Variants in WDR59 observed in about 807,000 individuals in gnomAD.
The protein encoded by WDR59 is GATOR2 complex protein WDR59.
WDR59 carries 100 observed loss-of-function variants against 131.2 expected under a neutral mutation model. The ratio of observed to expected loss-of-function variants is 0.76; its 90% confidence interval spans 0.65 to 0.90. WDR59 has a LOEUF of 0.90. Among genes scored for constraint, WDR59 ranks in the 40% least tolerant of loss-of-function variants. The pLI, the probability that WDR59 is intolerant of heterozygous loss-of-function variation, is 0.00. For synonymous variants in WDR59, 601 were observed against 466.2 expected (o/e 1.29, Z -3.72); for missense variants, 1,203 against 1,262.2 (o/e 0.95, Z 0.71).
At chr16:74,901,607 C>T (rs989650796) in intron 18 of WDR59, among the ~76,000 whole-genome samples, 23 of 150,984 alleles carry the variant, frequency 1.5e-4, no homozygotes, top group African/African-American at 4.6e-4. Flanking sequence ...CACACCACTG[C>T]ACTCTAGCCT....
At position 74,928,895 on chromosome 16, in the gene WDR59, C is replaced by T. The variant is rs148971856; in HGVS notation, c.652-4892G>A. 1.4e-3 allele frequency among the ~76,000 whole-genome samples: 212 copies of T among 151,886 alleles called. No homozygotes were observed. In the Middle Eastern group the frequency reaches 0.017, roughly 12 times the overall value. On this transcript the variant is annotated intron_variant, in intron 8 of 25. Transcript: ENST00000262144. ...CTGCACTCCAGCCTGGATGATAGGG[C>T]GAGACTCTGTCTCAAAAAAAATAAA...
chr16:74,983,968 A>G (rs2034525168), intron 1 of WDR59, among the ~76,000 whole-genome samples: 1 of 152,024 alleles, frequency 6.6e-6, no homozygotes, highest in South Asian at 2.1e-4. Flanking sequence ...TGACAGAGCC[A>G]GACCCTGTCT....
chr16:74,953,974 C>G (rs1370663550), intron 3 of WDR59, among the ~76,000 whole-genome samples: 2 of 150,164 alleles, frequency 1.3e-5, no homozygotes, highest in Admixed American at 6.7e-5. Flanking sequence ...TGCACTCCAG[C>G]CTGGGTGACA....
At chr16:74,952,330 T>C (rs1478614997) in intron 3 of WDR59, among the ~76,000 whole-genome samples, 3 of 150,504 alleles carry the variant, frequency 2.0e-5, no homozygotes, top group African/African-American at 2.4e-5. Flanking sequence ...TGGTCTCAGC[T>C]ACTTGACAGG....
intron 18 of WDR59, among the ~76,000 whole-genome samples, chr16:74,901,071 C>G (rs1186141766): frequency 2.0e-5 from 3 of 152,206 alleles, no homozygotes; most frequent in Non-Finnish European, 4.4e-5. Flanking sequence ...GCACTCCAGC[C>G]TGGGCAACAA....
At chr16:74,981,913 C>A (rs1332672427) in intron 1 of WDR59, among the ~76,000 whole-genome samples, 4 of 134,040 alleles carry the variant, frequency 3.0e-5, no homozygotes, top group Non-Finnish European at 6.4e-5. Flanking sequence ...ACCTCGGCCT[C>A]CCAAAGTGGT....
chr16:74,931,804 G>C (rs1313571428), intron 8 of WDR59, among the ~76,000 whole-genome samples: 1 of 151,936 alleles, frequency 6.6e-6, no homozygotes, highest in African/African-American at 2.4e-5. Context: ...AGCCCAGGAG[G>C]CCAAGCCTGA....
At chr16:74,879,380 C>A (rs1295731906) in intron 25 of WDR59, among the ~76,000 whole-genome samples, 3 of 152,102 alleles carry the variant, frequency 2.0e-5, no homozygotes. Context: ...ACAAGCCAAA[C>A]AAATAAGCTG....
intron 8 of WDR59, among the ~76,000 whole-genome samples, chr16:74,936,401 C>G (rs1320775940): frequency 1.3e-5 from 2 of 152,078 alleles, no homozygotes; most frequent in Admixed American, 6.6e-5. Context: ...TAGGAAACCC[C>G]AGACTCACAG....
chr16:74,943,048 ATC>A (rs1200183558), intron 6 of WDR59, among the ~76,000 whole-genome samples: 24 of 152,176 alleles, frequency 1.6e-4, no homozygotes, highest in Admixed American at 1.6e-3. Context: ...TGAGGAAATA[ATC>A]TCAGGGGAAA....
chr16:74,960,283 A>G (rs1392286401), intron 2 of WDR59, among the ~76,000 whole-genome samples: 1 of 152,032 alleles, frequency 6.6e-6, no homozygotes, highest in East Asian at 1.9e-4. Context: ...GTGAGCCGAC[A>G]TCGCGCCACT....
chr16:74,934,316 T>A (rs1022574543), intron 8 of WDR59, among the ~76,000 whole-genome samples: 1 of 152,074 alleles, frequency 6.6e-6, no homozygotes, highest in East Asian at 1.9e-4. Context: ...CCTTTTTTTT[T>A]AAGAAAAAAA....
At position 74,938,682 on chromosome 16, in the gene WDR59, G is replaced by A. The variant is rs1420021536; in HGVS notation, c.535-416C>T. Among the ~76,000 whole-genome samples, 8 of 152,138 alleles carry A rather than the reference G, an allele frequency of 5.3e-5. No individual in the cohort carries two copies. The East Asian group carries it at 1.5e-3, about 29-fold the overall frequency. ...CCTCCAAGTAGCTGGGACTACAGGT[G>A]CACACCACTAAGCCTGGCTAATTTT... is the stretch of plus-strand genomic sequence containing the variant. On this transcript the variant is annotated intron_variant, in intron 7 of 25. Transcript: ENST00000262144.
chr16:74,883,623 A>G (rs1362963655), intron 25 of WDR59, among the ~76,000 whole-genome samples: 1 of 152,200 alleles, frequency 6.6e-6, no homozygotes, highest in Non-Finnish European at 1.5e-5. Context: ...TTCATTCTGT[A>G]AAACACCTCT....
intron 10 of WDR59, among the ~76,000 whole-genome samples, chr16:74,919,505 T>A (rs2029955735): frequency 6.6e-6 from 1 of 150,940 alleles, no homozygotes; most frequent in African/African-American, 2.4e-5. Flanking sequence ...GCTAATTTTT[T>A]TTTTTTTAAT....
intron 13 of WDR59, among the ~76,000 whole-genome samples, chr16:74,913,583 G>A (rs532216970): frequency 1.3e-4 from 20 of 152,218 alleles, no homozygotes; most frequent in Admixed American, 5.9e-4. Context: ...GAGCCACCAC[G>A]AAGTTCAAAG....
intron 1 of WDR59, among the ~76,000 whole-genome samples, chr16:74,981,242 G>C (rs1447032388): frequency 3.3e-5 from 5 of 151,660 alleles, no homozygotes; most frequent in South Asian, 2.1e-4. Context: ...CAGGCGTGGT[G>C]GTGGGCGCCT....
In WDR59 at chr16:74,956,592, G is replaced by A. The variant is rs772038321; in HGVS notation, c.123C>T (p.Ile41=). The A allele has an allele frequency of 1.1e-5, 17 of 1,613,970 alleles. No individual in the cohort carries two copies. Among genetic ancestry groups the A allele is most frequent in the South Asian group, 2.2e-5 (2 of 91,054 alleles). The change falls in exon 3 of 26, where the codon ATC becomes ATT. Residue 41 remains isoleucine, a synonymous_variant. Transcript: ENST00000262144. ...CTTCGAAAGGGGCATCTAGATTGAC[G>A]ATGTATAAGAATCTGCGGCTAGAGA... ...AVLSGRRFLY[I]VNLDAPFEGH...
chr16:74,977,581 G>A (rs1270868536), intron 1 of WDR59, among the ~76,000 whole-genome samples: 1 of 152,078 alleles, frequency 6.6e-6, no homozygotes, highest in Non-Finnish European at 1.5e-5. Context: ...CCAGCCACTC[G>A]GGAAGCTAAG....
Sources: gnomAD v4.1 joint callset for allele counts (sites outside exome capture counted in the v4.1 genomes callset) on GRCh38, gnomAD v4.1.1 for gene constraint, MANE v1.5 for transcripts, NCBI Gene and HGNC (gene_info 2026-07-23, HGNC 2026-07-21) for gene names.